The following ACP6 variants were observed in gnomAD, a reference collection of about 807,000 sequenced individuals.
The protein encoded by ACP6 is acid phosphatase 6, lysophosphatidic, also known as lysophosphatidic acid phosphatase type 6.
A neutral mutation model predicts 48.1 loss-of-function variants in ACP6; 48 were observed. The ratio of observed to expected loss-of-function variants is 1.00; its 90% confidence interval spans 0.79 to 1.27. The LOEUF (loss-of-function observed/expected upper bound fraction) is 1.27. Among genes scored for constraint, ACP6 ranks in the 50% most tolerant of loss-of-function variants. The pLI, the probability that ACP6 is intolerant of heterozygous loss-of-function variation, is 0.00. For missense variants in ACP6, 485 were observed against 529.1 expected (o/e 0.92, Z 0.82); for synonymous variants, 172 against 204.2 (o/e 0.84, Z 1.34).
Position 147,647,326 on chromosome 1 carries a change from A to G in ACP6, c.*97T>C. On this transcript the variant is annotated 3_prime_UTR_variant, in exon 10 of 10. Transcript: ENST00000583509. ...TCCTTACATTATATTAAAGTACATT[A>G]CCCCTTGCTCTCTCCTCTTCCCAAA... 1 of 1,364,842 alleles carries G rather than the reference A, an allele frequency of 7.3e-7. No homozygotes were observed. Among genetic ancestry groups the G allele is most frequent in the South Asian group, 1.3e-5 (1 of 77,376 alleles). The allele number at this position is 1,364,842 out of a possible 1,614,324, so 84.5% of individuals were successfully genotyped here.
chr1:147,655,095 AGTTCTG>A, intron 5 of ACP6, 60 bp downstream of exon 5: 1 of 1,339,388 alleles, frequency 7.5e-7, no homozygotes, highest in Non-Finnish European at 1.0e-6. Flanking sequence ...GTATAGACAG[AGTTCTG>A]CCAGCAAAGG....
intron 1 of ACP6, among the ~76,000 whole-genome samples, chr1:147,663,913 T>G (rs587764453): frequency 2.3e-3 from 2 of 864 alleles, no homozygotes; most frequent in Non-Finnish European, 2.6e-3. Flanking sequence ...ATAACATTGA[T>G]AACAAAAAAA....
At position 147,646,680 on chromosome 1, in the gene ACP6, T is replaced by A. The variant is rs1181521005; in HGVS notation, c.*743A>T. Reference sequence around the variant, plus strand: ...CAGAGCCCTGGGGCCCACATTTGTTTCTGGAACTAAAACCACCAGGGGCCC... The same window carrying A: ...CAGAGCCCTGGGGCCCACATTTGTTACTGGAACTAAAACCACCAGGGGCCC... On this transcript the variant is annotated 3_prime_UTR_variant, in exon 10 of 10. Coordinates refer to ENST00000583509, the MANE Select transcript of ACP6 (RefSeq NM_016361.5). 1.3e-5 allele frequency: 2 copies of A among 152,276 alleles called. No homozygotes were observed. The highest frequency in any genetic ancestry group is 2.9e-5 in the Non-Finnish European group (2 of 68,124). The allele number at this position is 152,276 out of a possible 1,614,324, so 9.4% of individuals were successfully genotyped here.
chr1:147,653,192 G>A (rs1391533339), intron 6 of ACP6, among the ~76,000 whole-genome samples: 2 of 151,738 alleles, frequency 1.3e-5, no homozygotes, highest in Admixed American at 6.6e-5. Context: ...ATGCAGTGGC[G>A]TGATCTCGGC....
At chr1:147,652,232 T>C (rs587709864) in intron 7 of ACP6, 76 of 466,480 alleles carry the variant, frequency 1.6e-4, no homozygotes, top group African/African-American at 1.4e-3. Flanking sequence ...TGGCTCCTGG[T>C]TCTGCATAAC....
chr1:147,638,557 G>T (rs1448083230), downstream of ACP6, among the ~76,000 whole-genome samples: 1 of 152,188 alleles, frequency 6.6e-6, no homozygotes, highest in African/African-American at 2.4e-5. Context: ...AACTCCTTGA[G>T]ATCTAGCGGG....
At position 147,658,667 on chromosome 1, in the gene ACP6, C is replaced by T. The variant is rs587711781; in HGVS notation, c.559+293G>A. On this transcript the variant is annotated intron_variant, in intron 4 of 9. Coordinates refer to ENST00000583509, the MANE Select transcript of ACP6 (RefSeq NM_016361.5). ...AATAAAAAGCCCCCTCGATTGTTCA[C>T]AAAACATGGTTAGGACTGCCTTGTG... Among the ~76,000 whole-genome samples, 3 of 152,270 alleles carry T rather than the reference C, an allele frequency of 2.0e-5. No homozygotes were observed. In the South Asian group the frequency reaches 6.2e-4, roughly 32 times the overall value.
chr1:147,655,142 A>G lies in ACP6; in HGVS notation c.647+19T>C. 6.3e-7 allele frequency: 1 copy of G among 1,583,984 alleles called. No individual in the cohort carries two copies. The highest frequency in any genetic ancestry group is 8.6e-7 in the Non-Finnish European group (1 of 1,162,390). On this transcript the variant is annotated intron_variant, in intron 5 of 9. Transcript: ENST00000583509. ...AAAGGTTGTCCCCAACTGGTGAGCA[A>G]GAACCCAGGGGCAGTTACCTGGTTC...
intron 4 of ACP6, among the ~76,000 whole-genome samples, chr1:147,657,601 A>G (rs1297097769): frequency 6.6e-6 from 1 of 152,062 alleles, no homozygotes; most frequent in Non-Finnish European, 1.5e-5. Context: ...TTGTATTTTT[A>G]GTACAGATGG....
chr1:147,648,369 C>T lies in ACP6; in HGVS notation c.1020G>A (p.Pro340=), dbSNP rs141578780. The change falls in exon 9 of 10, where the codon CCG becomes CCA. Residue 340 remains proline, a synonymous_variant. Coordinates refer to ENST00000583509, the MANE Select transcript of ACP6 (RefSeq NM_016361.5). The part of the protein sequence containing the change: ...LYAAHDVTFI[P]LLMTLGIFDH... ...CAAAAATCCCCAGGGTCATTAAGAG[C>T]GGTATGAAGGTCACATCATGAGCCG... 77 of 1,614,016 alleles carry T rather than the reference C, an allele frequency of 4.8e-5. No homozygotes were observed. The highest frequency in any genetic ancestry group is 6.1e-5 in the Non-Finnish European group (72 of 1,180,030).
rs80202931 is a variant in ACP6 at position 147,654,958 on chromosome 1, C to T, written c.647+203G>A. The stretch of plus-strand genomic sequence containing the variant: ...TGCGGCTCTTCCCAGAATTCCTGGC[C>T]TTCACCATGGGTCTGTCATTGTGAA... On this transcript the variant is annotated intron_variant, in intron 5 of 9. Transcript: ENST00000583509. 8.3e-3 allele frequency among the ~76,000 whole-genome samples: 1,267 copies of T among 152,328 alleles called. 11 individuals are homozygous for T. The highest frequency in any genetic ancestry group is 0.014 in the Non-Finnish European group (946 of 68,028).
At chr1:147,653,974 A>G (rs1268516880) in intron 6 of ACP6, among the ~76,000 whole-genome samples, 2 of 152,166 alleles carry the variant, frequency 1.3e-5, no homozygotes, top group African/African-American at 4.8e-5. Context: ...ACATGCCTCA[A>G]GAAGCTCTGG....
intron 2 of ACP6, 43 bp from the exon 3 acceptor site, chr1:147,659,569 C>G (rs782379923): frequency 8.1e-6 from 13 of 1,613,628 alleles, no homozygotes; most frequent in African/African-American, 6.7e-5. Context: ...AAACACCTGA[C>G]AGCCTGCTGA....
At chr1:147,654,506 A>G (rs782233840) in intron 5 of ACP6, among the ~76,000 whole-genome samples, 180 bp from the exon 6 acceptor site, 9 of 152,240 alleles carry the variant, frequency 5.9e-5, no homozygotes, top group Non-Finnish European at 1.3e-4. Flanking sequence ...CAAATGACTT[A>G]TAACGTTAAG....
intron 1 of ACP6, among the ~76,000 whole-genome samples, chr1:147,664,651 T>C (rs1660710992): frequency 6.6e-6 from 1 of 152,212 alleles, no homozygotes; most frequent in Non-Finnish European, 1.5e-5. Context: ...GTAGGTACAA[T>C]TAATAGCTCC....
At chr1:147,662,323 T>G (rs190811000) in intron 1 of ACP6, among the ~76,000 whole-genome samples, 1 of 152,372 alleles carries the variant, frequency 6.6e-6, no homozygotes, top group Non-Finnish European at 1.5e-5. Context: ...AAATACATTT[T>G]GTAAGGCTAT....
In ACP6 at chr1:147,659,496, C is replaced by T. The variant is rs144959805; in HGVS notation, c.379G>A (p.Val127Met). 9.0e-4 allele frequency: 1,451 copies of T among 1,614,212 alleles called. 2 individuals are homozygous for T. Among genetic ancestry groups the T allele is most frequent in the Non-Finnish European group, 1.2e-3 (1,416 of 1,180,024 alleles). ...AAGGCAAACATTTGCTGCATGCCCA[C>T]CTTGGTCAGCTGCCCAGCAAACATG... ...GGMFAGQLTKVGMQQMFALGE... is the reference protein window; with the variant it reads ...GGMFAGQLTKMGMQQMFALGE... The change falls in exon 3 of 10, where the codon GTG becomes ATG. Residue 127 changes from valine to methionine, a missense_variant. Coordinates refer to ENST00000583509, the MANE Select transcript of ACP6 (RefSeq NM_016361.5).
chr1:147,637,407 C>G (rs1338880824), downstream of ACP6, among the ~76,000 whole-genome samples: 1 of 152,206 alleles, frequency 6.6e-6, no homozygotes. Flanking sequence ...TTACACAATA[C>G]TGTTCTGCGT....
intron 3 of ACP6, 156 bp downstream of exon 3, chr1:147,659,240 T>A (rs2148911786): frequency 8.5e-7 from 1 of 1,171,322 alleles, no homozygotes; most frequent in Admixed American, 2.7e-5. Context: ...AGGAACGACC[T>A]GTTCACCAGA....
Sources: allele counts gnomAD v4.1 joint callset (sites outside exome capture counted in the v4.1 genomes callset), GRCh38; gene constraint gnomAD v4.1.1; transcripts MANE v1.5; gene names NCBI Gene and HGNC (gene_info 2026-07-23, HGNC 2026-07-21).